RORA: variants seen among roughly 807,000 people sequenced by gnomAD.
RORA encodes nuclear receptor ROR-alpha.
A neutral mutation model predicts 69.5 loss-of-function variants in RORA; 7 were observed. The ratio of observed to expected loss-of-function variants is 0.10; its 90% confidence interval spans 0.06 to 0.19. The LOEUF is 0.19. Among genes scored for constraint, RORA ranks in the 10% least tolerant of loss-of-function variants. The pLI is 1.00. For missense variants in RORA, 457 were observed against 663.0 expected, an observed-to-expected ratio of 0.69 and a Z score of 3.41; for synonymous variants, 261 against 240.8, an observed-to-expected ratio of 1.08 and a Z score of -0.78.
At chr15:60,850,892 A>T (rs1191136651) in intron 1 of RORA, among the ~76,000 whole-genome samples, 1 of 152,228 alleles carries the variant, frequency 6.6e-6, no homozygotes, top group African/African-American at 2.4e-5. Flanking sequence ...ACACAGGGAC[A>T]ACAACGAAAA....
chr15:61,170,285 T>C (rs1240945889), intron 1 of RORA, among the ~76,000 whole-genome samples: 1 of 152,220 alleles, frequency 6.6e-6, no homozygotes, highest in East Asian at 1.9e-4. Flanking sequence ...GAAATCTGTT[T>C]TCTTGCGTTT....
chr15:60,547,678 T>G (rs187440461), intron 2 of RORA: 17 of 151,960 alleles, frequency 1.1e-4, no homozygotes, highest in Non-Finnish European at 2.2e-4. Context: ...TCACTTACCT[T>G]TTTCAGCATA....
intron 1 of RORA, among the ~76,000 whole-genome samples, chr15:61,114,395 T>A (rs1410825250): frequency 6.6e-6 from 1 of 152,136 alleles, no homozygotes; most frequent in African/African-American, 2.4e-5. Context: ...CCCTATTCCA[T>A]GAAAAACAGG....
At chr15:60,983,324 C>T (rs1038034848) in intron 1 of RORA, among the ~76,000 whole-genome samples, 8 of 152,204 alleles carry the variant, frequency 5.3e-5, no homozygotes, top group African/African-American at 1.4e-4. Flanking sequence ...GCTAGTATAG[C>T]GTCACATGAC....
At chr15:60,990,107 C>T (rs1447027830) in intron 1 of RORA, among the ~76,000 whole-genome samples, 1 of 152,132 alleles carries the variant, frequency 6.6e-6, no homozygotes, top group East Asian at 1.9e-4. Flanking sequence ...CTTTTTGTTT[C>T]CCAGGAAAAT....
chr15:60,620,285 T>C (rs1178995986), intron 2 of RORA, among the ~76,000 whole-genome samples: 1 of 152,166 alleles, frequency 6.6e-6, no homozygotes, highest in Non-Finnish European at 1.5e-5. Flanking sequence ...CTCATGGTAT[T>C]AGCTCAAATA....
intron 10 of RORA, among the ~76,000 whole-genome samples, chr15:60,498,724 T>A (rs1567036241): frequency 6.6e-6 from 1 of 151,714 alleles, no homozygotes; most frequent in Non-Finnish European, 1.5e-5. Flanking sequence ...AGATGGAGAG[T>A]GAAGCTCCTG....
chr15:60,795,324 C>G (rs2072479139), intron 1 of RORA, among the ~76,000 whole-genome samples: 1 of 152,176 alleles, frequency 6.6e-6, no homozygotes, highest in East Asian at 1.9e-4. Context: ...CACCACGAAA[C>G]AACAAGAGCA....
chr15:60,992,198 C>T (rs1198044322), intron 1 of RORA, among the ~76,000 whole-genome samples: 9 of 152,016 alleles, frequency 5.9e-5, no homozygotes, highest in Non-Finnish European at 1.0e-4. Flanking sequence ...ACAAAGAAGG[C>T]CCACGGGTTT....
chr15:60,859,094 C>T (rs1263626889), intron 1 of RORA, among the ~76,000 whole-genome samples: 2 of 151,914 alleles, frequency 1.3e-5, no homozygotes, highest in Non-Finnish European at 2.9e-5. Flanking sequence ...TAGGTTCTTG[C>T]CTCTGCCTGA....
chr15:60,725,725 T>C (rs1355376627), intron 1 of RORA, among the ~76,000 whole-genome samples: 1 of 152,232 alleles, frequency 6.6e-6, no homozygotes, highest in African/African-American at 2.4e-5. Flanking sequence ...TTGTGACTTG[T>C]GCCTTTCGGG....
intron 1 of RORA, among the ~76,000 whole-genome samples, chr15:60,871,362 T>C (rs1385573901): frequency 6.6e-6 from 1 of 152,220 alleles, no homozygotes; most frequent in African/African-American, 2.4e-5. Context: ...GTACACCAAA[T>C]AATGGCCTTC....
intron 1 of RORA, among the ~76,000 whole-genome samples, chr15:60,823,771 A>G (rs905776428): frequency 6.6e-6 from 1 of 150,856 alleles, no homozygotes; most frequent in African/African-American, 2.4e-5. Context: ...ACCAAAAATA[A>G]ATAAATAAAA....
chr15:60,789,440 A>T (rs566188325), intron 1 of RORA, among the ~76,000 whole-genome samples: 1 of 152,276 alleles, frequency 6.6e-6, no homozygotes, highest in African/African-American at 2.4e-5. Flanking sequence ...CTCAAGCACC[A>T]CCTCTTCCAG....
intron 1 of RORA, among the ~76,000 whole-genome samples, chr15:61,001,727 A>G (rs1894752049): frequency 6.6e-6 from 1 of 152,254 alleles, no homozygotes; most frequent in African/African-American, 2.4e-5. Context: ...TAAAAGCACC[A>G]GTTAATAGGA....
intron 1 of RORA, among the ~76,000 whole-genome samples, chr15:60,782,035 G>A (rs992261797): frequency 1.8e-4 from 28 of 152,304 alleles, no homozygotes; most frequent in African/African-American, 5.3e-4. Context: ...GACCATCCTG[G>A]CCAAAATGGT....
rs2068009608 is a variant in RORA at position 60,575,861 on chromosome 15, A to G, written c.197-44010T>C. Among the ~76,000 whole-genome samples the G allele has an allele frequency of 2.6e-5, 4 of 152,374 alleles. No homozygotes were observed. The South Asian group carries it at 8.3e-4, about 32-fold the overall frequency. ...TTACTTCAAAGAGAATAATTATCTT[A>G]CACTTCTGTTTCCCAAATTGGAAAG... On this transcript the variant is annotated intron_variant, in intron 2 of 10. Coordinates refer to ENST00000335670, the MANE Select transcript of RORA (RefSeq NM_134261.3).
At chr15:60,679,701 T>C (rs925741481) in intron 1 of RORA, among the ~76,000 whole-genome samples, 4 of 152,134 alleles carry the variant, frequency 2.6e-5, no homozygotes, top group African/African-American at 9.7e-5. Context: ...ACCTATTACT[T>C]AGCTAGGGAA....
rs1173230896 is a variant in RORA at position 60,491,028 on chromosome 15, T to C, written c.*6427A>G. ...TTATAGAAGCAGCCAGCTAATGTCCTAATGTTTAAAAATTTACCACTGTTT... is the reference window on the plus strand; with the variant it reads ...TTATAGAAGCAGCCAGCTAATGTCCCAATGTTTAAAAATTTACCACTGTTT... On this transcript the variant is annotated 3_prime_UTR_variant, in exon 11 of 11. Transcript: ENST00000335670. 1 of 152,208 alleles carries C rather than the reference T, an allele frequency of 6.6e-6. No homozygotes were observed. Among genetic ancestry groups the C allele is most frequent in the Admixed American group, 6.5e-5 (1 of 15,276 alleles). 9.4% of individuals were successfully genotyped at this position (152,208 alleles called of 1,614,324 possible).
Sources: allele counts gnomAD v4.1 joint callset (sites outside exome capture counted in the v4.1 genomes callset), GRCh38; gene constraint gnomAD v4.1.1; transcripts MANE v1.5; gene names NCBI Gene and HGNC (gene_info 2026-07-23, HGNC 2026-07-21).